Variants in ARL3 observed in about 807,000 individuals in gnomAD.
The protein encoded by ARL3 is ARF like GTPase 3.
A neutral mutation model predicts 26.0 loss-of-function variants in ARL3; 9 were observed. That is an observed-to-expected ratio of 0.35 (90% CI 0.21 to 0.60). The LOEUF (loss-of-function observed/expected upper bound fraction) is 0.60. Ranked by LOEUF, ARL3 falls within the 20% of genes least tolerant of loss-of-function variation. The pLI is 0.78. For missense variants in ARL3, 158 were observed against 215.7 expected (o/e 0.73, Z 1.67); for synonymous variants, 71 against 78.4 (o/e 0.91, Z 0.50).
At chr10:102,698,082 T>C (rs557331662) in intron 3 of ARL3, among the ~76,000 whole-genome samples, 1 of 152,288 alleles carries the variant, frequency 6.6e-6, no homozygotes, top group African/African-American at 2.4e-5. Flanking sequence ...GCTTATTTTT[T>C]CTTCATTAAG....
intron 1 of ARL3, 56 bp downstream of exon 1, chr10:102,714,217 G>C: frequency 7.6e-7 from 1 of 1,312,912 alleles, no homozygotes. Context: ...CCTGGGCCTG[G>C]GGACGGGAGG....
chr10:102,678,809 G>C (rs1015703751), intron 5 of ARL3, among the ~76,000 whole-genome samples: 1 of 152,240 alleles, frequency 6.6e-6, no homozygotes, highest in Non-Finnish European at 1.5e-5. Context: ...GTTTTATGCC[G>C]GGTCTCTGTT....
chr10:102,685,720 G>A (rs2064180361), intron 5 of ARL3, 96 bp downstream of exon 5: 2 of 1,286,070 alleles, frequency 1.6e-6, no homozygotes, highest in Non-Finnish European at 2.1e-6. Flanking sequence ...ATCTTGGAAT[G>A]GCTCATCTGC....
intron 3 of ARL3, among the ~76,000 whole-genome samples, chr10:102,690,728 A>C (rs749990406): frequency 2.0e-5 from 3 of 152,186 alleles, no homozygotes; most frequent in Non-Finnish European, 4.4e-5. Context: ...CCTAAAGAGA[A>C]ATGGAAGATA....
At chr10:102,682,673 C>T (rs1211617607) in intron 5 of ARL3, among the ~76,000 whole-genome samples, 2 of 152,318 alleles carry the variant, frequency 1.3e-5, no homozygotes, top group South Asian at 2.1e-4. Flanking sequence ...AACTCGCCCC[C>T]GTGAGGCTAC....
intron 5 of ARL3, among the ~76,000 whole-genome samples, chr10:102,683,432 T>C (rs1412858021): frequency 6.6e-6 from 1 of 152,244 alleles, no homozygotes; most frequent in Non-Finnish European, 1.5e-5. Flanking sequence ...CCCAATTCTA[T>C]ACACCATGGT....
chr10:102,694,235 C>T (rs1354715825), intron 3 of ARL3, among the ~76,000 whole-genome samples: 3 of 151,558 alleles, frequency 2.0e-5, no homozygotes, highest in South Asian at 2.1e-4. Context: ...GTGATCCTCC[C>T]GCCTTGGCCT....
At chr10:102,677,537 G>A (rs1313481833) in intron 5 of ARL3, among the ~76,000 whole-genome samples, 1 of 152,194 alleles carries the variant, frequency 6.6e-6, no homozygotes. Flanking sequence ...AGCATCCAGA[G>A]GGACTGGGGA....
chr10:102,673,734 G>C lies in ARL3; in HGVS notation c.*3160C>G, dbSNP rs563459959. ...ACACAACACATTCCAGGCTGCCTTC[G>C]TTCCAGCTAAATTTTATTTGTCGGA... On this transcript the variant is annotated 3_prime_UTR_variant, in exon 6 of 6. Transcript: ENST00000260746. The C allele has an allele frequency of 6.6e-6, 1 of 152,122 alleles. No individual in the cohort carries two copies. Among genetic ancestry groups the C allele is most frequent in the Non-Finnish European group, 1.5e-5 (1 of 68,022 alleles). 9.4% of individuals were successfully genotyped at this position (152,122 alleles called of 1,614,324 possible). A position where few individuals can be genotyped will look rare whatever the true frequency, so the allele number is the denominator to read the frequency against.
Position 102,681,532 on chromosome 10 carries a change from C to T in ARL3, c.501+4284G>A, listed in dbSNP as rs138882317. ...GCTGACTCAGGCACGGATCACAGCT[C>T]GGCGCTCGGACTGCTCATGGCCCCT... On this transcript the variant is annotated intron_variant, in intron 5 of 5. Coordinates refer to ENST00000260746, the MANE Select transcript of ARL3 (RefSeq NM_004311.4). Among the ~76,000 whole-genome samples, 183 of 152,220 alleles carry T rather than the reference C, an allele frequency of 1.2e-3. 1 individual carries two copies. Among genetic ancestry groups the T allele is most frequent in the African/African-American group, 4.2e-3 (175 of 41,534 alleles).
At chr10:102,695,425 G>A (rs1224478973) in intron 3 of ARL3, among the ~76,000 whole-genome samples, 2 of 152,192 alleles carry the variant, frequency 1.3e-5, no homozygotes, top group Non-Finnish European at 2.9e-5. Context: ...GTTCACTGCT[G>A]ATATAAAGGA....
At chr10:102,703,713 G>T (rs1373413875) in intron 2 of ARL3, among the ~76,000 whole-genome samples, 1 of 151,934 alleles carries the variant, frequency 6.6e-6, no homozygotes, top group Non-Finnish European at 1.5e-5. Context: ...AAAGTGCTGG[G>T]ATTATGGGCA....
At chr10:102,713,077 GTTTTTTTGTT>G (rs2064355465) in intron 1 of ARL3, among the ~76,000 whole-genome samples, 1 of 22,372 alleles carries the variant, frequency 4.5e-5, no homozygotes, top group East Asian at 2.5e-3. Flanking sequence ...TGGGCATCTA[GTTTTTTTGTT>G]TTTTTTTTTA....
chr10:102,707,933 G>A (rs1007786805), intron 1 of ARL3, among the ~76,000 whole-genome samples: 2 of 151,776 alleles, frequency 1.3e-5, no homozygotes, highest in African/African-American at 4.8e-5. Context: ...TTTTTTGGGG[G>A]GACAGGGTCT....
intron 3 of ARL3, 56 bp downstream of exon 3, chr10:102,699,317 G>T: frequency 1.1e-6 from 1 of 910,702 alleles, no homozygotes; most frequent in Non-Finnish European, 1.6e-6. Flanking sequence ...CAGTGTCCAT[G>T]TTTCTAACAC....
chr10:102,703,179 T>C (rs1171588598), intron 2 of ARL3, among the ~76,000 whole-genome samples: 3 of 138,848 alleles, frequency 2.2e-5, no homozygotes, highest in Non-Finnish European at 4.5e-5. Flanking sequence ...TGGAGTGCAA[T>C]GGCACAATCT....
chr10:102,706,179 C>T (rs551888064), intron 1 of ARL3, among the ~76,000 whole-genome samples: 30 of 152,156 alleles, frequency 2.0e-4, no homozygotes, highest in African/African-American at 6.5e-4. Context: ...TCGCCGGGCA[C>T]GGTGGCTCAC....
At chr10:102,692,146 A>G (rs968143369) in intron 3 of ARL3, among the ~76,000 whole-genome samples, 2 of 152,214 alleles carry the variant, frequency 1.3e-5, no homozygotes, top group Admixed American at 1.3e-4. Context: ...GTTACATTAT[A>G]TTACAACCAA....
chr10:102,690,748 C>T (rs2064212721), intron 3 of ARL3, among the ~76,000 whole-genome samples: 1 of 152,160 alleles, frequency 6.6e-6, no homozygotes, highest in African/African-American at 2.4e-5. Flanking sequence ...ACCCTATCCC[C>T]TCCCTTCCAT....
Sources: gnomAD v4.1 joint callset for allele counts (sites outside exome capture counted in the v4.1 genomes callset) on GRCh38, gnomAD v4.1.1 for gene constraint, MANE v1.5 for transcripts, NCBI Gene and HGNC (gene_info 2026-07-23, HGNC 2026-07-21) for gene names.